SLC35F1: variants seen among roughly 807,000 people sequenced by gnomAD.
The protein encoded by SLC35F1 is solute carrier family 35 member F1.
SLC35F1 carries 14 observed loss-of-function variants against 48.7 expected under a neutral mutation model. The observed-to-expected ratio is 0.29, with a 90% CI of 0.19 to 0.45. The LOEUF is 0.45. SLC35F1 is among the 20% of genes least tolerant of loss of function. The pLI is 1.00. For synonymous variants in SLC35F1, 190 were observed against 202.2 expected (o/e 0.94, Z 0.51); for missense variants, 404 against 500.0 (o/e 0.81, Z 1.83).
chr6:118,148,315 C>A (rs367858842), intron 1 of SLC35F1, among the ~76,000 whole-genome samples: 4 of 152,292 alleles, frequency 2.6e-5, no homozygotes, highest in Admixed American at 6.5e-5. Context: ...TGTTGAAATT[C>A]TTCATACCTT....
At chr6:118,272,870 G>A (rs1775874300) in intron 4 of SLC35F1, among the ~76,000 whole-genome samples, 1 of 149,280 alleles carries the variant, frequency 6.7e-6, no homozygotes, top group African/African-American at 2.5e-5. Flanking sequence ...CAAATTTTAG[G>A]CACAAAATAT....
rs533510360 is a variant in SLC35F1, at chr6:118,298,142, C to T, written c.1002+12804C>T. ...AATGCTGGTGCCATGCTTATACAGC[C>T]TACAGAACCACAAGCCAAAATAAAC... On this transcript the variant is annotated intron_variant, in intron 7 of 7. Transcript: ENST00000360388. Among the ~76,000 whole-genome samples the T allele has an allele frequency of 4.6e-5, 7 of 152,198 alleles. No individual in the cohort carries two copies. In the South Asian group the frequency reaches 1.0e-3, roughly 23 times the overall value.
At chr6:117,949,031 A>C (rs1200342504) in intron 1 of SLC35F1, among the ~76,000 whole-genome samples, 2 of 152,164 alleles carry the variant, frequency 1.3e-5, no homozygotes, top group Non-Finnish European at 2.9e-5. Context: ...TTATGCCCCA[A>C]GCGGGGTGCT....
chr6:118,119,475 T>C (rs925313143), intron 1 of SLC35F1, among the ~76,000 whole-genome samples: 2 of 149,128 alleles, frequency 1.3e-5, no homozygotes, highest in Admixed American at 6.7e-5. Flanking sequence ...GATTTTTACA[T>C]GATGCAGTAA....
At chr6:118,116,528 G>A (rs1395460671) in intron 1 of SLC35F1, among the ~76,000 whole-genome samples, 2 of 152,172 alleles carry the variant, frequency 1.3e-5, no homozygotes, top group African/African-American at 4.8e-5. Context: ...TGAATGCAAT[G>A]TCTAGGAGCC....
intron 1 of SLC35F1, among the ~76,000 whole-genome samples, chr6:117,956,894 C>T (rs889467200): frequency 7.9e-5 from 12 of 152,124 alleles, no homozygotes; most frequent in African/African-American, 2.9e-4. Flanking sequence ...CAAAGTCAGG[C>T]ATTTGTCATA....
intron 1 of SLC35F1, among the ~76,000 whole-genome samples, chr6:118,063,986 G>A (rs917553919): frequency 3.5e-4 from 54 of 152,286 alleles, no homozygotes; most frequent in African/African-American, 1.2e-3. Flanking sequence ...TCACACTGCT[G>A]ATAAAGACAT....
intron 3 of SLC35F1, among the ~76,000 whole-genome samples, chr6:118,245,281 G>T (rs1775492965): frequency 6.6e-6 from 1 of 152,200 alleles, no homozygotes; most frequent in African/African-American, 2.4e-5. Context: ...ATCCCTTCTA[G>T]TTTAAAAACT....
intron 1 of SLC35F1, among the ~76,000 whole-genome samples, chr6:117,922,996 A>G (rs1176401509): frequency 6.6e-6 from 1 of 152,038 alleles, no homozygotes; most frequent in Non-Finnish European, 1.5e-5. Flanking sequence ...TATGTTCAGG[A>G]CCCTCCACCA....
At chr6:118,274,473 T>C (rs1314826034) in intron 4 of SLC35F1, among the ~76,000 whole-genome samples, 1 of 152,200 alleles carries the variant, frequency 6.6e-6, no homozygotes, top group Non-Finnish European at 1.5e-5. Flanking sequence ...CTCGGCTCAC[T>C]GAAACCTCCA....
At chr6:118,043,143 A>G (rs1019411117) in intron 1 of SLC35F1, among the ~76,000 whole-genome samples, 4 of 152,196 alleles carry the variant, frequency 2.6e-5, no homozygotes, top group Non-Finnish European at 5.9e-5. Context: ...TCACTTCTCC[A>G]TATGCTCCTT....
At chr6:118,118,294 A>G (rs1028903903) in intron 1 of SLC35F1, among the ~76,000 whole-genome samples, 3 of 152,124 alleles carry the variant, frequency 2.0e-5, no homozygotes, top group Non-Finnish European at 2.9e-5. Context: ...TGATAAATTT[A>G]TTGTGTTTGA....
intron 1 of SLC35F1, among the ~76,000 whole-genome samples, chr6:117,952,090 T>G (rs1033948579): frequency 2.0e-5 from 3 of 152,192 alleles, no homozygotes; most frequent in Non-Finnish European, 4.4e-5. Flanking sequence ...TTTTGTTTTG[T>G]TTTGTTTTTT....
chr6:118,209,440 T>C (rs1467978164), intron 2 of SLC35F1, among the ~76,000 whole-genome samples: 1 of 152,222 alleles, frequency 6.6e-6, no homozygotes, highest in African/African-American at 2.4e-5. Flanking sequence ...TTCCCACACC[T>C]GCTTTTTATA....
intron 3 of SLC35F1, among the ~76,000 whole-genome samples, chr6:118,249,165 T>A (rs1775542489): frequency 6.6e-6 from 1 of 152,196 alleles, no homozygotes; most frequent in Admixed American, 6.5e-5. Context: ...ACAGCAGCCT[T>A]AATAGACTGA....
At chr6:118,182,489 CAA>C (rs1407475773) in intron 2 of SLC35F1, among the ~76,000 whole-genome samples, 2 of 52,814 alleles carry the variant, frequency 3.8e-5, no homozygotes, top group Non-Finnish European at 3.9e-5. Flanking sequence ...GAGACCCTGT[CAA>C]AAAAAAAAAA....
chr6:118,292,905 T>G (rs1424661941), intron 7 of SLC35F1, among the ~76,000 whole-genome samples: 2 of 152,124 alleles, frequency 1.3e-5, no homozygotes, highest in African/African-American at 4.8e-5. Flanking sequence ...CTTTGAGAAG[T>G]GGTTATGTAT....
At position 117,952,432 on chromosome 6, in the gene SLC35F1, CTGG is replaced by C. The variant is rs1214998962; in HGVS notation, c.173+44536_173+44538del. Among the ~76,000 whole-genome samples, 4 of 152,266 alleles carry C rather than the reference CTGG, an allele frequency of 2.6e-5. No individual in the cohort carries two copies. The East Asian group carries it at 5.8e-4, about 22-fold the overall frequency. On this transcript the variant is annotated intron_variant, in intron 1 of 7. Coordinates refer to ENST00000360388, the MANE Select transcript of SLC35F1 (RefSeq NM_001029858.4). Reference sequence around the variant, plus strand: ...ATGGATTTGCTTCTTTCAGAAAATGCTGGTGAAGTATAATTCTGTTAAAATAAA... The same window carrying C: ...ATGGATTTGCTTCTTTCAGAAAATGCTGAAGTATAATTCTGTTAAAATAAA...
chr6:118,159,220 CAAAAAAAAA>C (rs60060945), intron 2 of SLC35F1, among the ~76,000 whole-genome samples: 12 of 43,844 alleles, frequency 2.7e-4, no homozygotes, highest in Non-Finnish European at 4.3e-4. Context: ...GACTCTGTCT[CAAAAAAAAA>C]AAAAAAAAAA....
Sources: allele counts gnomAD v4.1 joint callset (sites outside exome capture counted in the v4.1 genomes callset), GRCh38; gene constraint gnomAD v4.1.1; transcripts MANE v1.5; gene names NCBI Gene and HGNC (gene_info 2026-07-23, HGNC 2026-07-21).